The following PDGFRL variants were observed in gnomAD, a reference collection of about 807,000 sequenced individuals.
PDGFRL encodes platelet derived growth factor receptor like.
Under a neutral mutation model 37.2 loss-of-function variants are expected in PDGFRL, and 46 were observed. That is an observed-to-expected ratio of 1.24 (90% confidence interval 0.98 to 1.58). The LOEUF (loss-of-function observed/expected upper bound fraction) is 1.58. PDGFRL is among the 40% of genes most tolerant of loss of function. PDGFRL has a pLI of 0.00. For synonymous variants in PDGFRL, 251 were observed against 184.3 expected (o/e 1.36, Z -2.93); for missense variants, 692 against 467.6 (o/e 1.48, Z -4.43).
intron 2 of PDGFRL, among the ~76,000 whole-genome samples, chr8:17,607,613 G>T (rs1171121661): frequency 6.6e-6 from 1 of 152,312 alleles, no homozygotes; most frequent in African/African-American, 2.4e-5. Flanking sequence ...CATCTTGCAA[G>T]ATGGAGCATT....
At chr8:17,578,415 G>A (rs1803634687) in intron 1 of PDGFRL, among the ~76,000 whole-genome samples, 1 of 152,168 alleles carries the variant, frequency 6.6e-6, no homozygotes, top group Non-Finnish European at 1.5e-5. Context: ...ACTTGAAGTT[G>A]AGCATGAGGG....
rs761091598 is a variant in PDGFRL at position 17,642,624 on chromosome 8, T to C, written c.951T>C (p.Pro317=). The C allele has an allele frequency of 3.5e-5, 56 of 1,607,070 alleles. 1 individual carries two copies. In the South Asian group the frequency reaches 5.9e-4, roughly 17 times the overall value. The change falls in exon 6 of 6, where the codon CCT becomes CCC. Residue 317 remains proline (P), a synonymous_variant. Coordinates refer to ENST00000251630, the MANE Select transcript of PDGFRL (RefSeq NM_001372073.1). ...WIFPGQKDER[P]VTIQDTWRLI... is the part of the protein sequence containing the mutation. Reference sequence around the variant, plus strand: ...GTGTCGTTAAACAGGATGAAAGGCCTGTGACGATCCAAGACACTTGGAGGT... The same window carrying C: ...GTGTCGTTAAACAGGATGAAAGGCCCGTGACGATCCAAGACACTTGGAGGT...
At chr8:17,602,565 G>C (rs545604896) in intron 2 of PDGFRL, among the ~76,000 whole-genome samples, 1 of 152,234 alleles carries the variant, frequency 6.6e-6, no homozygotes, top group East Asian at 1.9e-4. Context: ...CCCAGAATGA[G>C]GCATTGATTT....
At chr8:17,587,708 A>G (rs1002202360) in intron 1 of PDGFRL, among the ~76,000 whole-genome samples, 1 of 149,908 alleles carries the variant, frequency 6.7e-6, no homozygotes, top group Admixed American at 6.7e-5. Context: ...GCTCACTGTA[A>G]CCTCCGCCTC....
rs369602111 is a variant in PDGFRL, at chr8:17,577,229, G to C, written c.-24G>C. ...CCCCGCGCAGCCGCCGCGCTCCTGCGCTCCGAGGTCCGAGGTTCCCGAGAT... is the reference window on the plus strand; with the variant it reads ...CCCCGCGCAGCCGCCGCGCTCCTGCCCTCCGAGGTCCGAGGTTCCCGAGAT... On this transcript the variant is annotated 5_prime_UTR_variant, in exon 1 of 6. Coordinates refer to ENST00000251630, the MANE Select transcript of PDGFRL (RefSeq NM_001372073.1). The C allele has an allele frequency of 1.2e-5, 20 of 1,608,990 alleles. 1 individual carries two copies. The South Asian group carries it at 1.9e-4, about 15-fold the overall frequency.
chr8:17,608,762 C>T (rs896705676), intron 2 of PDGFRL, among the ~76,000 whole-genome samples: 1 of 152,196 alleles, frequency 6.6e-6, no homozygotes, highest in Non-Finnish European at 1.5e-5. Context: ...GACAGAGCAA[C>T]AGAAGACAGT....
At chr8:17,598,723 T>C (rs779942777) in intron 2 of PDGFRL, among the ~76,000 whole-genome samples, 2 of 152,210 alleles carry the variant, frequency 1.3e-5, no homozygotes, top group African/African-American at 2.4e-5. Flanking sequence ...TCTTGAATTA[T>C]AGCTCCTGTA....
intron 3 of PDGFRL, among the ~76,000 whole-genome samples, chr8:17,624,679 C>T (rs568911208): frequency 1.3e-5 from 2 of 152,204 alleles, no homozygotes; most frequent in Non-Finnish European, 2.9e-5. Context: ...GAAGCCGAGG[C>T]AGGCGGATCA....
At chr8:17,637,934 GA>G (rs57064211) in intron 5 of PDGFRL, among the ~76,000 whole-genome samples, 150,957 of 152,298 alleles carry the variant, frequency 0.99, 74,826 homozygotes, top group Middle Eastern at 1. Flanking sequence ...ATTTCTAACT[GA>G]AGCTTATTTG....
chr8:17,588,290 T>C (rs183933892), intron 1 of PDGFRL, among the ~76,000 whole-genome samples: 1 of 152,172 alleles, frequency 6.6e-6, no homozygotes, highest in Non-Finnish European at 1.5e-5. Context: ...ATTTACTCTT[T>C]AATAATAAGC....
At chr8:17,586,046 G>A (rs1282605758) in intron 1 of PDGFRL, among the ~76,000 whole-genome samples, 2 of 152,158 alleles carry the variant, frequency 1.3e-5, no homozygotes, top group Non-Finnish European at 2.9e-5. Context: ...CCGTGTCCCA[G>A]GATCAAACGA....
At chr8:17,577,968 C>G (rs1803623631) in intron 1 of PDGFRL, among the ~76,000 whole-genome samples, 1 of 151,734 alleles carries the variant, frequency 6.6e-6, no homozygotes, top group African/African-American at 2.4e-5. Flanking sequence ...GGACCATGAC[C>G]GCTGCGCGTT....
At chr8:17,634,932 A>G (rs1039775948) in intron 5 of PDGFRL, among the ~76,000 whole-genome samples, 3 of 152,046 alleles carry the variant, frequency 2.0e-5, no homozygotes, top group Admixed American at 1.3e-4. Flanking sequence ...GTTTACCTAT[A>G]TAACAGACTT....
At chr8:17,637,348 T>G (rs1435228568) in intron 5 of PDGFRL, among the ~76,000 whole-genome samples, 1 of 152,166 alleles carries the variant, frequency 6.6e-6, no homozygotes, top group African/African-American at 2.4e-5. Flanking sequence ...ATCATGTGAT[T>G]TTTTGTTTTT....
At chr8:17,621,577 T>C (rs1804635558) in intron 3 of PDGFRL, among the ~76,000 whole-genome samples, 1 of 152,156 alleles carries the variant, frequency 6.6e-6, no homozygotes, top group Non-Finnish European at 1.5e-5. Flanking sequence ...GCTACTTAAA[T>C]GAAAATTAAA....
chr8:17,612,245 C>T (rs548062841), intron 2 of PDGFRL, among the ~76,000 whole-genome samples: 4 of 152,160 alleles, frequency 2.6e-5, no homozygotes, highest in Non-Finnish European at 5.9e-5. Flanking sequence ...ACACATGAGC[C>T]CTTGTGCTTA....
At chr8:17,583,137 T>C (rs1348098237) in intron 1 of PDGFRL, among the ~76,000 whole-genome samples, 1 of 152,102 alleles carries the variant, frequency 6.6e-6, no homozygotes, top group African/African-American at 2.4e-5. Flanking sequence ...AGGCTTAGCT[T>C]CCACCTAGAT....
intron 5 of PDGFRL, among the ~76,000 whole-genome samples, 153 bp downstream of exon 5, chr8:17,634,366 T>G (rs1381343505): frequency 6.6e-6 from 1 of 150,572 alleles, no homozygotes; most frequent in Non-Finnish European, 1.5e-5. Flanking sequence ...CCAGGTATTG[T>G]TTGTTTTTTT....
intron 5 of PDGFRL, among the ~76,000 whole-genome samples, chr8:17,639,261 A>T (rs1266736999): frequency 6.6e-6 from 1 of 152,162 alleles, no homozygotes; most frequent in Non-Finnish European, 1.5e-5. Flanking sequence ...ATTTACATTC[A>T]ACATTAGTAT....
Sources: gnomAD v4.1 joint callset for allele counts (sites outside exome capture counted in the v4.1 genomes callset) on GRCh38, gnomAD v4.1.1 for gene constraint, MANE v1.5 for transcripts, NCBI Gene and HGNC (gene_info 2026-07-23, HGNC 2026-07-21) for gene names.